The following DDC variants were observed in gnomAD, a reference collection of about 807,000 sequenced individuals.
The protein encoded by DDC is dopa decarboxylase.
In DDC, 43 loss-of-function variants were observed where a neutral mutation model predicts 60.0. The ratio of observed to expected loss-of-function variants is 0.72; its 90% CI spans 0.56 to 0.92. The LOEUF is 0.92. Ranked by LOEUF, DDC falls within the 40% of genes least tolerant of loss-of-function variation. The pLI is 0.00. For synonymous variants in DDC, 232 were observed against 234.6 expected (o/e 0.99, Z 0.10); for missense variants, 573 against 620.2 (o/e 0.92, Z 0.81).
chr7:50,509,810 T>C (rs2043498511), intron 6 of DDC, among the ~76,000 whole-genome samples: 1 of 152,162 alleles, frequency 6.6e-6, no homozygotes, highest in Admixed American at 6.5e-5. Context: ...TGGTATAAAT[T>C]GGTACAATGT....
At chr7:50,533,718 T>A (rs2044294416) in intron 4 of DDC, among the ~76,000 whole-genome samples, 1 of 152,086 alleles carries the variant, frequency 6.6e-6, no homozygotes, top group East Asian at 1.9e-4. Context: ...TGTGGAAAAT[T>A]GAAGTCCCTG....
chr7:50,503,546 C>A (rs1398551518), intron 7 of DDC, among the ~76,000 whole-genome samples: 1 of 152,132 alleles, frequency 6.6e-6, no homozygotes, highest in Non-Finnish European at 1.5e-5. Context: ...AAACTACCTT[C>A]AGCAATTTTC....
intron 1 of DDC, among the ~76,000 whole-genome samples, chr7:50,558,742 C>T (rs1190919992): frequency 6.6e-6 from 1 of 152,354 alleles, no homozygotes; most frequent in East Asian, 1.9e-4. Context: ...TCCACTTACA[C>T]CTCCACTGTC....
chr7:50,482,467 T>G (rs1313158985), intron 9 of DDC, among the ~76,000 whole-genome samples: 1 of 152,194 alleles, frequency 6.6e-6, no homozygotes, highest in Non-Finnish European at 1.5e-5. Context: ...GGCTCTCTCT[T>G]CTAATGTGCT....
At chr7:50,462,070 T>G (rs2042285586) in intron 14 of DDC, among the ~76,000 whole-genome samples, 2 of 151,836 alleles carry the variant, frequency 1.3e-5, no homozygotes, top group South Asian at 2.1e-4. Flanking sequence ...AGATAAAAAT[T>G]GTAGGCAATC....
chr7:50,554,917 G>A (rs1417661113), intron 1 of DDC, among the ~76,000 whole-genome samples: 2 of 152,210 alleles, frequency 1.3e-5, no homozygotes, highest in African/African-American at 2.4e-5. Flanking sequence ...CACTGCGGGG[G>A]AGAAGGGTGG....
chr7:50,504,179 A>ATGTC, intron 6 of DDC, 120 bp from the exon 7 acceptor site: 1 of 744,972 alleles, frequency 1.3e-6, no homozygotes, highest in East Asian at 2.6e-5. Flanking sequence ...ATCCCAATGA[A>ATGTC]TGTCTGCTAC....
rs944279743 is a variant in DDC at position 50,537,873 on chromosome 7, C to A, written c.422G>T (p.Gly141Val). 1 of 1,614,092 alleles carries A rather than the reference C, an allele frequency of 6.2e-7. No individual in the cohort carries two copies. The highest frequency in any genetic ancestry group is 8.5e-7 in the Non-Finnish European group (1 of 1,180,056). The change falls in exon 4 of 15, where the codon GGA becomes GTA. Residue 141 changes from glycine (G) to valine (V), a missense_variant. Physicochemically the swap from Gly to Val is moderately radical, Grantham distance 109. Transcript: ENST00000444124. ...CTCCCACCTTACCTGGATCACTCCT[C>A]CCCCTTCTCCAGCTTTCTCATTCAA... ...AFLNEKAGEG[G>V]GVIQGSASEA... is the part of the protein sequence containing the mutation.
chr7:50,540,011 G>A lies in DDC; in HGVS notation c.219C>T (p.Ser73=). The A allele has an allele frequency of 6.2e-7, 1 of 1,613,708 alleles. No homozygotes were observed. The highest frequency in any genetic ancestry group is 8.5e-7 in the Non-Finnish European group (1 of 1,179,752). Residue 73 remains serine (S), a synonymous_variant, in exon 3 of 15, where the codon AGC becomes AGT. Coordinates refer to ENST00000444124, the MANE Select transcript of DDC (RefSeq NM_001082971.2). ...IIMPGVTHWH[S]PYFFAYFPTA... ...TGGGGAAGTAGGCGAAGAAGTAGGGGCTGTGCCAGTGCGTCACCTGCATGG... is the reference window on the plus strand; with the variant it reads ...TGGGGAAGTAGGCGAAGAAGTAGGGACTGTGCCAGTGCGTCACCTGCATGG...
intron 9 of DDC, among the ~76,000 whole-genome samples, chr7:50,487,591 C>A (rs376071786): frequency 6.9e-4 from 105 of 152,086 alleles, no homozygotes; most frequent in African/African-American, 2.3e-3. Flanking sequence ...TCTTTATTTG[C>A]ATGACTGTTT....
intron 14 of DDC, among the ~76,000 whole-genome samples, chr7:50,460,346 T>C (rs1243982511): frequency 8.2e-6 from 1 of 121,498 alleles, no homozygotes; most frequent in African/African-American, 3.4e-5. Flanking sequence ...AGCCGCCCCG[T>C]CCAGGAAGGA....
chr7:50,494,651 C>T (rs955124454), intron 9 of DDC, among the ~76,000 whole-genome samples: 5 of 150,632 alleles, frequency 3.3e-5, no homozygotes, highest in Admixed American at 6.6e-5. Flanking sequence ...AACATGGTTA[C>T]TATTATTTTT....
rs1207854238 is a variant in DDC, at chr7:50,519,607, T to C, written c.714+8530A>G. Among the ~76,000 whole-genome samples, 10 of 152,132 alleles carry C rather than the reference T, an allele frequency of 6.6e-5. No individual in the cohort carries two copies. In the East Asian group the frequency reaches 1.3e-3, roughly 20 times the overall value. On this transcript the variant is annotated intron_variant, in intron 6 of 14. Coordinates refer to ENST00000444124, the MANE Select transcript of DDC (RefSeq NM_001082971.2). ...AGCATTCGCAGTGACCTGGATAAGATTGGACACATTCTAAGTGAAGTAGCT... is the reference window on the plus strand; with the variant it reads ...AGCATTCGCAGTGACCTGGATAAGACTGGACACATTCTAAGTGAAGTAGCT...
At chr7:50,517,024 G>A (rs1173399110) in intron 6 of DDC, among the ~76,000 whole-genome samples, 1 of 152,052 alleles carries the variant, frequency 6.6e-6, no homozygotes, top group Non-Finnish European at 1.5e-5. Flanking sequence ...CAATCCTTTT[G>A]ACACTATTAC....
intron 14 of DDC, among the ~76,000 whole-genome samples, chr7:50,461,685 C>T (rs552798945): frequency 2.2e-4 from 34 of 152,324 alleles, no homozygotes; most frequent in African/African-American, 6.5e-4. Context: ...GGATTTGTTT[C>T]ATACAGAGCT....
chr7:50,477,218 G>A lies in DDC; in HGVS notation c.1022-575C>T, dbSNP rs554681767. 2.6e-5 allele frequency among the ~76,000 whole-genome samples: 4 copies of A among 152,284 alleles called. No individual in the cohort carries two copies. The East Asian group carries it at 7.7e-4, about 29-fold the overall frequency. On this transcript the variant is annotated intron_variant, in intron 10 of 14. Transcript: ENST00000444124. Reference sequence around the variant, plus strand: ...TATGAAAAATGGATGATTTGCTTTTGAGCCTCCCCTCATGCCTAAAGCAGC... The same window carrying A: ...TATGAAAAATGGATGATTTGCTTTTAAGCCTCCCCTCATGCCTAAAGCAGC...
chr7:50,467,716 CA>C (rs2042429010), intron 12 of DDC, among the ~76,000 whole-genome samples: 1 of 152,194 alleles, frequency 6.6e-6, no homozygotes, highest in Non-Finnish European at 1.5e-5. Flanking sequence ...CAGGACAGCC[CA>C]CAACACAGAA....
At position 50,539,941 on chromosome 7, in the gene DDC, C is replaced by T; in HGVS notation, c.289G>A (p.Ala97Thr). The change falls in exon 3 of 15, where the codon GCC becomes ACC. Residue 97 changes from alanine to threonine, a missense_variant. Transcript: ENST00000444124. ...PAMLADMLCG[A>T]IGCIGFSWAA... ...CAGGAGAAGCCGATGCAGCCAATGG[C>T]CCCGCACAGCATGTCCGCAAGCATG... 6.2e-7 allele frequency: 1 copy of T among 1,613,934 alleles called. No homozygotes were observed. The highest frequency in any genetic ancestry group is 8.5e-7 in the Non-Finnish European group (1 of 1,179,926).
At chr7:50,508,154 G>A (rs1178753391) in intron 6 of DDC, among the ~76,000 whole-genome samples, 2 of 152,228 alleles carry the variant, frequency 1.3e-5, no homozygotes. Context: ...GGGCTGCAAG[G>A]ACAGTGTTCT....
Sources: gnomAD v4.1 joint callset for allele counts (sites outside exome capture counted in the v4.1 genomes callset) on GRCh38, gnomAD v4.1.1 for gene constraint, MANE v1.5 for transcripts, NCBI Gene and HGNC (gene_info 2026-07-23, HGNC 2026-07-21) for gene names.